The following SLCO4A1 variants were observed in gnomAD, a reference collection of about 807,000 sequenced individuals.
SLCO4A1 encodes the protein solute carrier organic anion transporter family member 4A1.
Under a neutral mutation model 64.6 loss-of-function variants are expected in SLCO4A1, and 51 were observed. The observed-to-expected ratio is 0.79, with a 90% CI of 0.63 to 1.00. SLCO4A1 has a LOEUF of 1.00. Among genes scored for constraint, SLCO4A1 ranks in the 50% least tolerant of loss-of-function variants. The pLI, the probability that SLCO4A1 is intolerant of heterozygous loss-of-function variation, is 0.00. For synonymous variants in SLCO4A1, 471 were observed against 444.9 expected, an observed-to-expected ratio of 1.06 and a Z score of -0.74; for missense variants, 919 against 980.5, an observed-to-expected ratio of 0.94 and a Z score of 0.84.
At position 62,652,107 on chromosome 20, in the gene SLCO4A1, C is replaced by T. The variant is rs1455808059; in HGVS notation, c.-96-4252C>T. 3 of 148,146 alleles carry T rather than the reference C, an allele frequency of 2.0e-5. No homozygotes were observed. In the East Asian group the frequency reaches 6.2e-4, roughly 31 times the overall value. The allele number at this position is 148,146 out of a possible 1,614,324, so 9.2% of individuals were successfully genotyped here. ...TGCCAGCACGTGCAGCTAGGCGGAA[C>T]CTCTGAGCACTCTCCCGCCTGCGTC... On this transcript the variant is annotated intron_variant, in intron 1 of 11. Transcript: ENST00000217159.
downstream of SLCO4A1, chr20:62,672,389 G>A (rs538656716): frequency 8.5e-5 from 61 of 720,024 alleles, no homozygotes; most frequent in African/African-American, 1.1e-3. Context: ...TGTGGAATCC[G>A]TGGATATGAA....
chr20:62,685,573 C>A lies in SLCO4A1; in HGVS notation n.344C>A. The A allele has an allele frequency of 2.2e-6, 1 of 445,914 alleles. No individual in the cohort carries two copies. The highest frequency in any genetic ancestry group is 3.0e-6 in the Non-Finnish European group (1 of 336,912). 27.6% of individuals were successfully genotyped at this position (445,914 alleles called of 1,614,324 possible). On this transcript the variant is annotated non_coding_transcript_exon_variant, in exon 3 of 3. Transcript: ENST00000466818. This position sits in a 1 kb window ranked among gnomAD's most constrained non-coding sequence, Gnocchi z 4.6. ...TTCTGACAACGTCTTCCAGAGCAGG[C>A]TTTCTCTAGAGGGTGGACTGCCTGT... is the stretch of plus-strand genomic sequence containing the variant.
At chr20:62,676,964 G>A (rs1987625067), downstream of SLCO4A1, among the ~76,000 whole-genome samples, 1 of 152,258 alleles carries the variant, frequency 6.6e-6, no homozygotes, top group South Asian at 2.1e-4. Context: ...CCGTCAATCA[G>A]AAAGAATGAA....
At chr20:62,686,763 G>C (rs1756179903), downstream of SLCO4A1, among the ~76,000 whole-genome samples, 1 of 152,208 alleles carries the variant, frequency 6.6e-6, no homozygotes, top group Non-Finnish European at 1.5e-5. Context: ...CAGGAAGAGA[G>C]TATCAGAGTG....
chr20:62,689,586 G>A (rs1015159453), downstream of SLCO4A1, among the ~76,000 whole-genome samples: 13 of 152,220 alleles, frequency 8.5e-5, no homozygotes, highest in Non-Finnish European at 1.3e-4. Context: ...AGCGAGCCGG[G>A]TGCCCAGCAC....
intron 2 of SLCO4A1, among the ~76,000 whole-genome samples, chr20:62,677,467 G>A (rs1027225317): frequency 2.0e-5 from 3 of 152,146 alleles, no homozygotes; most frequent in Admixed American, 6.5e-5. Context: ...GCATGTGTGG[G>A]CCCCATGTTC....
intron 6 of SLCO4A1, 120 bp downstream of exon 6, chr20:62,665,208 C>G: frequency 8.6e-7 from 1 of 1,165,140 alleles, no homozygotes; most frequent in Non-Finnish European, 1.2e-6. Flanking sequence ...CCCTCCCACC[C>G]CCGCTGCCAG....
At chr20:62,669,188 G>A in intron 11 of SLCO4A1, 110 bp downstream of exon 11, 2 of 1,090,204 alleles carry the variant, frequency 1.8e-6, no homozygotes, top group South Asian at 1.4e-5. Flanking sequence ...CATCACAGAT[G>A]TTCCTGCAGC....
rs368986044 is a variant in SLCO4A1 at position 62,666,354 on chromosome 20, C to T, written c.1277-26C>T. On this transcript the variant is annotated intron_variant, in intron 6 of 11. Transcript: ENST00000217159. The stretch of plus-strand genomic sequence containing the variant: ...CCACCACGGCCCCCTGCCTGAGTCC[C>T]TGGCTGAATCCCTCCCTCTCCCCAG... 1.1e-5 allele frequency: 18 copies of T among 1,607,640 alleles called. No homozygotes were observed. The African/African-American group carries it at 2.1e-4, about 19-fold the overall frequency.
intron 1 of SLCO4A1, chr20:62,649,245 C>G (rs964434259): frequency 1.3e-5 from 2 of 152,250 alleles, no homozygotes; most frequent in Non-Finnish European, 2.9e-5. Context: ...AGGAAAAGAC[C>G]GAGGTCCCAG....
chr20:62,675,683 T>A (rs1987556727), downstream of SLCO4A1, among the ~76,000 whole-genome samples: 1 of 152,164 alleles, frequency 6.6e-6, no homozygotes, highest in African/African-American at 2.4e-5. Flanking sequence ...CCAGAAGGCA[T>A]CTGCAGATGC....
chr20:62,685,482 G>A lies in SLCO4A1; in HGVS notation n.253G>A, dbSNP rs1201107748. On this transcript the variant is annotated non_coding_transcript_exon_variant, in exon 3 of 3. Transcript: ENST00000466818. The surrounding 1 kb of genome is among the most constrained non-coding windows in gnomAD (Gnocchi z 4.6). ...TTAGAAGGCTGTAAACCCCATCTGA[G>A]CCTTACACATAGATCTCCTTGAATT... The A allele has an allele frequency of 8.8e-5, 86 of 979,832 alleles. No individual in the cohort carries two copies. Among genetic ancestry groups the A allele is most frequent in the Non-Finnish European group, 1.0e-4 (85 of 824,912 alleles). 60.7% of individuals were successfully genotyped at this position (979,832 alleles called of 1,614,324 possible).
chr20:62,665,822 T>C (rs1569141475), intron 6 of SLCO4A1: 3 of 136,614 alleles, frequency 2.2e-5, no homozygotes, highest in Non-Finnish European at 4.8e-5. Context: ...TCCCCACCTG[T>C]CCCCCCAAAC....
intron 3 of SLCO4A1, among the ~76,000 whole-genome samples, chr20:62,659,668 C>A (rs367583485): frequency 1.3e-5 from 2 of 152,232 alleles, no homozygotes; most frequent in South Asian, 4.1e-4. Context: ...CGGAGGCGGC[C>A]GCAGCATTTC....
At chr20:62,663,230 T>C (rs1985385327) in intron 5 of SLCO4A1, 1 of 152,184 alleles carries the variant, frequency 6.6e-6, no homozygotes, top group Admixed American at 6.5e-5. Context: ...AGAGGCTAAC[T>C]AGGGCTGCAC....
chr20:62,654,990 A>G (rs1427568192), intron 1 of SLCO4A1, among the ~76,000 whole-genome samples: 1 of 152,170 alleles, frequency 6.6e-6, no homozygotes, highest in African/African-American at 2.4e-5. Context: ...TAATATGGAC[A>G]CCGGTCAGAT....
intron 5 of SLCO4A1, chr20:62,663,110 C>A (rs1232140248): frequency 6.6e-6 from 1 of 152,200 alleles, no homozygotes; most frequent in East Asian, 1.9e-4. Flanking sequence ...TGAGGTCAGT[C>A]TGAGCGAGCC....
downstream of SLCO4A1, among the ~76,000 whole-genome samples, chr20:62,685,939 G>C (rs898302279): frequency 1.4e-4 from 22 of 152,040 alleles, no homozygotes; most frequent in African/African-American, 2.4e-5. The surrounding 1 kb of genome is among the most constrained non-coding windows in gnomAD (Gnocchi z 4.6). Flanking sequence ...ATCCATGGCT[G>C]AGCAAGTCCT....
chr20:62,678,646 A>G (rs955765703), intron 2 of SLCO4A1, among the ~76,000 whole-genome samples: 1 of 151,664 alleles, frequency 6.6e-6, no homozygotes, highest in Non-Finnish European at 1.5e-5. Context: ...AATTTTCACA[A>G]TCATCAACAA....
Sources: gnomAD v4.1 joint callset for allele counts (sites outside exome capture counted in the v4.1 genomes callset) on GRCh38, gnomAD v4.1.1 for gene constraint, Gnocchi (gnomAD v3.1) non-coding constraint, MANE v1.5 for transcripts, NCBI Gene and HGNC (gene_info 2026-07-23, HGNC 2026-07-21) for gene names.